PRR5L: variants seen among roughly 807,000 people sequenced by gnomAD.
The protein encoded by PRR5L is proline rich 5 like, also known as proline-rich protein 5-like.
A neutral mutation model predicts 36.4 loss-of-function variants in PRR5L; 21 were observed. The observed-to-expected ratio is 0.58, with a 90% CI of 0.41 to 0.83. The LOEUF (loss-of-function observed/expected upper bound fraction) is 0.83, where lower values mean the gene tolerates loss of function less well. Among genes scored for constraint, PRR5L ranks in the 40% least tolerant of loss-of-function variants. The probability of loss-of-function intolerance (pLI) is 0.00; values close to 1 mark genes in which losing one functional copy is unlikely to be tolerated. For synonymous variants in PRR5L, 188 were observed against 197.0 expected, an observed-to-expected ratio of 0.95 and a Z score of 0.38; for missense variants, 381 against 473.3, an observed-to-expected ratio of 0.80 and a Z score of 1.81.
At chr11:36,413,120 A>C (rs963804642) in intron 3 of PRR5L, among the ~76,000 whole-genome samples, 1 of 152,182 alleles carries the variant, frequency 6.6e-6, no homozygotes, top group African/African-American at 2.4e-5. Flanking sequence ...CAATGCAAGC[A>C]GAATAAACAG....
chr11:36,373,266 G>C (rs1249283909), intron 1 of PRR5L, among the ~76,000 whole-genome samples: 1 of 152,114 alleles, frequency 6.6e-6, no homozygotes, highest in African/African-American at 2.4e-5. Context: ...TGTTTAACTA[G>C]AATGACCAAC....
intron 1 of PRR5L, among the ~76,000 whole-genome samples, chr11:36,324,898 C>T (rs1165930278): frequency 6.6e-6 from 1 of 151,820 alleles, no homozygotes; most frequent in African/African-American, 2.4e-5. Flanking sequence ...TGTAGGGTGC[C>T]AATTATTTTG....
At position 36,402,012 on chromosome 11, in the gene PRR5L, G is replaced by C. The variant is rs149717590; in HGVS notation, c.164+727G>C. Reference sequence around the variant, plus strand: ...AATTAAATGATTGGCATAAACCCAAGATTATGAAGACCTGTGAGCCACAGG... The same window carrying C: ...AATTAAATGATTGGCATAAACCCAACATTATGAAGACCTGTGAGCCACAGG... On this transcript the variant is annotated intron_variant, in intron 2 of 8. Coordinates refer to ENST00000530639, the MANE Select transcript of PRR5L (RefSeq NM_001160167.2). Among the ~76,000 whole-genome samples, 55 of 152,322 alleles carry C rather than the reference G, an allele frequency of 3.6e-4. No individual in the cohort carries two copies. In the East Asian group the frequency reaches 0.01, roughly 28 times the overall value.
intron 1 of PRR5L, among the ~76,000 whole-genome samples, chr11:36,394,941 C>G (rs933842857): frequency 1.3e-5 from 2 of 152,190 alleles, no homozygotes; most frequent in African/African-American, 4.8e-5. Context: ...GCCCCCAGAG[C>G]TCTGAGTGAT....
intron 3 of PRR5L, among the ~76,000 whole-genome samples, chr11:36,406,361 CA>C (rs1208544440): frequency 6.6e-6 from 1 of 152,120 alleles, no homozygotes; most frequent in Non-Finnish European, 1.5e-5. Context: ...AAAAAAAAAT[CA>C]GAGCTTTCCT....
intron 1 of PRR5L, among the ~76,000 whole-genome samples, chr11:36,356,627 AC>A (rs1322200657): frequency 2.6e-5 from 4 of 152,008 alleles, no homozygotes; most frequent in Non-Finnish European, 5.9e-5. Flanking sequence ...AATATTGCCA[AC>A]TTTTTCATTA....
intron 1 of PRR5L, among the ~76,000 whole-genome samples, chr11:36,355,053 T>C (rs10501151): frequency 0.24 from 36,235 of 152,168 alleles, 5,354 homozygotes; most frequent in Non-Finnish European, 0.33. Context: ...CATTAGAATC[T>C]GTTCCTCATT....
Position 36,386,494 on chromosome 11 carries a change from G to T in PRR5L, c.-125-14503G>T, listed in dbSNP as rs112647018. On this transcript the variant is annotated intron_variant, in intron 1 of 8. Coordinates refer to ENST00000530639, the MANE Select transcript of PRR5L (RefSeq NM_001160167.2). ...TAAACAAACACAACAACTGCAGCCT[G>T]GTCTGTGGGTGCCACTAGGAAACAG... The T allele has an allele frequency of 2.8e-4, 43 of 152,310 alleles. 1 individual carries two copies. Among genetic ancestry groups the T allele is most frequent in the African/African-American group, 1.0e-3 (42 of 41,558 alleles). The allele number at this position is 152,310 out of a possible 1,614,324, so 9.4% of individuals were successfully genotyped here.
chr11:36,407,058 A>C (rs561267244), intron 3 of PRR5L, among the ~76,000 whole-genome samples: 17 of 152,360 alleles, frequency 1.1e-4, no homozygotes, highest in Non-Finnish European at 2.4e-4. Context: ...GTAATTTAAT[A>C]AAGGTTTAAT....
At chr11:36,436,855 G>C (rs1238727330) in intron 5 of PRR5L, among the ~76,000 whole-genome samples, 1 of 152,190 alleles carries the variant, frequency 6.6e-6, no homozygotes, top group Non-Finnish European at 1.5e-5. Flanking sequence ...AAGTAAACTA[G>C]CATAGTGCTG....
At chr11:36,302,729 G>A (rs180848297) in intron 1 of PRR5L, among the ~76,000 whole-genome samples, 1 of 151,590 alleles carries the variant, frequency 6.6e-6, no homozygotes, top group Non-Finnish European at 1.5e-5. Flanking sequence ...GGAGCTTGCA[G>A]TTAGGTGGAG....
intron 1 of PRR5L, among the ~76,000 whole-genome samples, chr11:36,341,849 G>T (rs1288208115): frequency 6.6e-6 from 1 of 152,208 alleles, no homozygotes; most frequent in African/African-American, 2.4e-5. Flanking sequence ...GAGAGCCAGT[G>T]CTTAATGGCT....
intron 1 of PRR5L, among the ~76,000 whole-genome samples, chr11:36,397,604 G>A (rs994483374): frequency 6.6e-6 from 1 of 151,088 alleles, no homozygotes; most frequent in Non-Finnish European, 1.5e-5. Flanking sequence ...CTACAGGCAC[G>A]CACCACCATG....
intron 1 of PRR5L, among the ~76,000 whole-genome samples, chr11:36,362,855 G>A (rs1401052937): frequency 1.3e-5 from 2 of 152,190 alleles, no homozygotes; most frequent in African/African-American, 4.8e-5. Context: ...ATGCTGCATG[G>A]GTGGGGGCTG....
intron 6 of PRR5L, among the ~76,000 whole-genome samples, chr11:36,439,152 G>A (rs533482092): frequency 1.1e-4 from 16 of 152,234 alleles, no homozygotes; most frequent in African/African-American, 2.6e-4. Flanking sequence ...CGCCTCCTGC[G>A]TTTAAAGGCA....
chr11:36,379,701 C>T (rs1409610524), intron 1 of PRR5L, among the ~76,000 whole-genome samples: 2 of 152,152 alleles, frequency 1.3e-5, no homozygotes, highest in African/African-American at 4.8e-5. Flanking sequence ...GAGAAGATTT[C>T]ACATGGAGCC....
intron 8 of PRR5L, among the ~76,000 whole-genome samples, chr11:36,457,605 CAAA>C (rs11297597): frequency 3.0e-5 from 4 of 134,426 alleles, no homozygotes; most frequent in African/African-American, 2.8e-5. Context: ...GACTCCGTCT[CAAA>C]AAAAAAAAAA....
intron 1 of PRR5L, among the ~76,000 whole-genome samples, chr11:36,359,676 G>A (rs1857064947): frequency 1.3e-5 from 2 of 152,180 alleles, no homozygotes; most frequent in Non-Finnish European, 2.9e-5. Context: ...TCCCAAAGGA[G>A]CGGATCAACA....
chr11:36,464,669 A>C lies in PRR5L; in HGVS notation c.*1933A>C, dbSNP rs1232785034. 6.6e-6 allele frequency: 1 copy of C among 152,232 alleles called. No individual in the cohort carries two copies. Among genetic ancestry groups the C allele is most frequent in the Non-Finnish European group, 1.5e-5 (1 of 68,038 alleles). 9.4% of individuals were successfully genotyped at this position (152,232 alleles called of 1,614,324 possible). ...CTTATTAGTACACTTAACATTTGAG[A>C]CTAGTATTTATTGATCCAGGCAAAG... On this transcript the variant is annotated 3_prime_UTR_variant, in exon 9 of 9. Transcript: ENST00000530639.
Sources: gnomAD v4.1 joint callset for allele counts (sites outside exome capture counted in the v4.1 genomes callset) on GRCh38, gnomAD v4.1.1 for gene constraint, MANE v1.5 for transcripts, NCBI Gene and HGNC (gene_info 2026-07-23, HGNC 2026-07-21) for gene names.